Variants in ARID1B observed in about 807,000 individuals in gnomAD.
ARID1B encodes the protein AT-rich interaction domain 1B, also known as AT-rich interactive domain-containing protein 1B.
A neutral mutation model predicts 212.3 loss-of-function variants in ARID1B; 30 were observed. The observed-to-expected ratio is 0.14, with a 90% CI of 0.11 to 0.19. The LOEUF (loss-of-function observed/expected upper bound fraction) is 0.19, where lower values mean the gene tolerates loss of function less well. Among genes scored for constraint, ARID1B ranks in the 10% least tolerant of loss-of-function variants. The pLI is 1.00. For synonymous variants in ARID1B, 1,402 were observed against 1,301.7 expected (o/e 1.08, Z -1.66); for missense variants, 2,891 against 3,204.0 (o/e 0.90, Z 2.36).
At chr6:156,901,329 A>T (rs758096418) in intron 2 of ARID1B, 47 bp from the exon 3 acceptor site, 1 of 1,610,936 alleles carries the variant, frequency 6.2e-7, no homozygotes, top group Non-Finnish European at 8.5e-7. Context: ...ATTTCATTTA[A>T]TTGCACATTT....
intron 12 of ARID1B, among the ~76,000 whole-genome samples, chr6:157,183,702 C>T (rs918279521): frequency 7.9e-5 from 12 of 152,216 alleles, no homozygotes; most frequent in African/African-American, 2.4e-4. Context: ...TGGCCAGTGG[C>T]ATCGCATCAT....
chr6:157,042,886 C>G (rs187870243), intron 4 of ARID1B, among the ~76,000 whole-genome samples: 1 of 152,156 alleles, frequency 6.6e-6, no homozygotes, highest in Non-Finnish European at 1.5e-5. Flanking sequence ...GTCTCAAACT[C>G]CTGACCTCAA....
At chr6:157,184,486 C>A (rs562270625) in intron 13 of ARID1B, 51 bp downstream of exon 13, 1 of 1,605,730 alleles carries the variant, frequency 6.2e-7, no homozygotes, top group South Asian at 1.1e-5. Context: ...GGCGCCTGGC[C>A]TGGGAGGTTC....
intron 4 of ARID1B, chr6:156,943,153 T>C (rs1792802254): frequency 6.6e-6 from 1 of 152,208 alleles, no homozygotes; most frequent in Non-Finnish European, 1.5e-5. Flanking sequence ...TCTTTTTCTT[T>C]TGCCTTCTCT....
chr6:156,942,608 T>TA (rs1478092372), intron 4 of ARID1B: 2 of 151,752 alleles, frequency 1.3e-5, no homozygotes, highest in Non-Finnish European at 2.9e-5. Context: ...TTTTATTTTT[T>TA]ATGCTAAAAA....
At chr6:156,850,187 C>A (rs1443222815) in intron 2 of ARID1B, among the ~76,000 whole-genome samples, 2 of 151,832 alleles carry the variant, frequency 1.3e-5, no homozygotes, top group Non-Finnish European at 2.9e-5. Flanking sequence ...TTTGAATTAT[C>A]ACTTCATTTC....
intron 13 of ARID1B, among the ~76,000 whole-genome samples, chr6:157,186,971 C>G (rs1184567001): frequency 6.6e-6 from 1 of 152,208 alleles, no homozygotes; most frequent in Non-Finnish European, 1.5e-5. Flanking sequence ...GGCTGCACCC[C>G]ACATATCACT....
rs188781497 is a variant in ARID1B at position 157,090,939 on chromosome 6, G to A, written c.2491+6034G>A. On this transcript the variant is annotated intron_variant, in intron 5 of 19. Coordinates refer to ENST00000636930, the MANE Select transcript of ARID1B (RefSeq NM_001374828.1). ...CTCCAGTGATCACCTCTGCACGTGT[G>A]CCTCCTGCCTGGGGTAGCCGCCTCC... Among the ~76,000 whole-genome samples the A allele has an allele frequency of 1.7e-4, 26 of 152,292 alleles. No homozygotes were observed. In the East Asian group the frequency reaches 3.7e-3, roughly 21 times the overall value.
At chr6:156,990,313 C>T (rs1212413792) in intron 4 of ARID1B, among the ~76,000 whole-genome samples, 1 of 151,838 alleles carries the variant, frequency 6.6e-6, no homozygotes, top group Non-Finnish European at 1.5e-5. Flanking sequence ...GGTAGGGCTG[C>T]AGGCACACAC....
rs568014026 is a variant in ARID1B, at chr6:156,827,434, C to T, written c.1792-1793C>T. Among the ~76,000 whole-genome samples the T allele has an allele frequency of 4.6e-5, 7 of 152,364 alleles. No homozygotes were observed. In the East Asian group the frequency reaches 1.4e-3, roughly 29 times the overall value. On this transcript the variant is annotated intron_variant, in intron 1 of 19. Transcript: ENST00000636930. ...CACTGCTGCCAGTTCAGGACCTCAG[C>T]CTCACCTGCCTGCCAGGGCAACCTG...
chr6:156,956,496 TTCTGTGGTCAGTCCATAGACCC>T (rs1178306837), intron 4 of ARID1B, among the ~76,000 whole-genome samples: 3 of 152,096 alleles, frequency 2.0e-5, no homozygotes, highest in Admixed American at 2.0e-4. Flanking sequence ...CAGCAGCCCT[TTCTGTGGTCAGTCCATAGACCC>T]TCTGCTGGGT....
intron 4 of ARID1B, among the ~76,000 whole-genome samples, chr6:157,045,944 C>T (rs1344665906): frequency 6.6e-6 from 1 of 152,110 alleles, no homozygotes; most frequent in African/African-American, 2.4e-5. Flanking sequence ...TCTAGGACCT[C>T]AAGGATCTCA....
At chr6:157,175,147 T>A in intron 11 of ARID1B, 142 bp downstream of exon 11, 1 of 721,742 alleles carries the variant, frequency 1.4e-6, no homozygotes, top group Non-Finnish European at 2.0e-6. Flanking sequence ...TGAAAGGGTT[T>A]TCTTTATAAA....
At chr6:156,915,141 T>C (rs1443808101) in intron 3 of ARID1B, among the ~76,000 whole-genome samples, 2 of 152,208 alleles carry the variant, frequency 1.3e-5, no homozygotes, top group African/African-American at 2.4e-5. Context: ...GTATTTAAAT[T>C]TTGTGATTTC....
intron 16 of ARID1B, among the ~76,000 whole-genome samples, chr6:157,197,969 T>C (rs1279418923): frequency 6.6e-6 from 1 of 152,222 alleles, no homozygotes; most frequent in African/African-American, 2.4e-5. Flanking sequence ...AGTTATTTGT[T>C]TTTATTATTC....
chr6:157,040,450 G>A (rs1781812481), intron 4 of ARID1B, among the ~76,000 whole-genome samples: 1 of 152,168 alleles, frequency 6.6e-6, no homozygotes, highest in Non-Finnish European at 1.5e-5. Context: ...GCTCCTTTTA[G>A]TGATGATCTT....
intron 4 of ARID1B, chr6:156,938,215 A>C (rs1211845740): frequency 6.6e-6 from 1 of 152,122 alleles, no homozygotes; most frequent in Non-Finnish European, 1.5e-5. Flanking sequence ...AATAAGTTGC[A>C]CACAGCTAAG....
At chr6:156,821,172 G>T (rs1263719899) in intron 1 of ARID1B, among the ~76,000 whole-genome samples, 1 of 152,208 alleles carries the variant, frequency 6.6e-6, no homozygotes, top group Non-Finnish European at 1.5e-5. Flanking sequence ...CAAACAAGCG[G>T]AGATAAAGAC....
chr6:157,083,707 T>C (rs970816129), intron 4 of ARID1B, among the ~76,000 whole-genome samples: 5 of 152,198 alleles, frequency 3.3e-5, no homozygotes, highest in African/African-American at 1.2e-4. Flanking sequence ...GCATTGACGG[T>C]GAAAAACTGG....
Sources: gnomAD v4.1 joint callset for allele counts (sites outside exome capture counted in the v4.1 genomes callset) on GRCh38, gnomAD v4.1.1 for gene constraint, MANE v1.5 for transcripts, NCBI Gene and HGNC (gene_info 2026-07-23, HGNC 2026-07-21) for gene names.